The following CHRM3 variants were observed in gnomAD, a reference collection of about 807,000 sequenced individuals.
CHRM3 encodes the protein cholinergic receptor muscarinic 3, also known as muscarinic acetylcholine receptor M3.
A neutral mutation model predicts 41.8 loss-of-function variants in CHRM3; 11 were observed. That is an observed-to-expected ratio of 0.26 (90% CI 0.17 to 0.44). The LOEUF (loss-of-function observed/expected upper bound fraction) is 0.44. CHRM3 is among the 20% of genes least tolerant of loss of function. The probability of loss-of-function intolerance (pLI) is 1.00; values close to 1 mark genes in which losing one functional copy is unlikely to be tolerated. For synonymous variants in CHRM3, 297 were observed against 301.4 expected, an observed-to-expected ratio of 0.99 and a Z score of 0.15; for missense variants, 571 against 745.4, an observed-to-expected ratio of 0.77 and a Z score of 2.72.
chr1:239,881,282 C>CAAAAAAAAA (rs71567253), intron 6 of CHRM3, among the ~76,000 whole-genome samples: 33 of 33,986 alleles, frequency 9.7e-4, no homozygotes, highest in South Asian at 2.7e-3. Context: ...GACTCCGTCT[C>CAAAAAAAAA]AAAAAAAAAA....
chr1:239,754,721 A>G (rs546174549), intron 5 of CHRM3, among the ~76,000 whole-genome samples: 2 of 152,340 alleles, frequency 1.3e-5, no homozygotes, highest in East Asian at 3.9e-4. Flanking sequence ...GAACCCTACC[A>G]GAATCTGTGG....
intron 5 of CHRM3, among the ~76,000 whole-genome samples, chr1:239,747,545 A>C (rs535358816): frequency 6.6e-6 from 1 of 152,150 alleles, no homozygotes; most frequent in South Asian, 2.1e-4. Context: ...TTATTTCCCC[A>C]TTAAGCCTGT....
intron 5 of CHRM3, among the ~76,000 whole-genome samples, chr1:239,721,923 G>A (rs1274725311): frequency 6.6e-6 from 1 of 151,888 alleles, no homozygotes; most frequent in Non-Finnish European, 1.5e-5. Context: ...AGATTTGCAG[G>A]ACAGTGACTT....
Position 239,657,956 on chromosome 1 carries a change from T to C in CHRM3, c.-249-20230T>C, listed in dbSNP as rs368408989. On this transcript the variant is annotated intron_variant, in intron 4 of 6. Coordinates refer to ENST00000676153, the MANE Select transcript of CHRM3 (RefSeq NM_001375978.1). Reference sequence around the variant, plus strand: ...CTCTGACAGCTACATTGTTGTAGGATTTCTGAAAAAAAAAGTGAGAACAAT... The same window carrying C: ...CTCTGACAGCTACATTGTTGTAGGACTTCTGAAAAAAAAAGTGAGAACAAT... 1.3e-4 allele frequency among the ~76,000 whole-genome samples: 20 copies of C among 152,278 alleles called. 1 individual carries two copies. The East Asian group carries it at 3.1e-3, about 24-fold the overall frequency.
intron 5 of CHRM3, among the ~76,000 whole-genome samples, chr1:239,694,024 C>A (rs1416661073): frequency 6.6e-6 from 1 of 152,022 alleles, no homozygotes; most frequent in Non-Finnish European, 1.5e-5. Flanking sequence ...CTATTAGATA[C>A]TGTGTATTGG....
chr1:239,645,509 AAG>A (rs1410431674), intron 4 of CHRM3, among the ~76,000 whole-genome samples: 1 of 152,236 alleles, frequency 6.6e-6, no homozygotes, highest in Non-Finnish European at 1.5e-5. Flanking sequence ...TGTGGACTAA[AAG>A]AAAAGAAAAT....
chr1:239,847,576 A>G (rs1030553336), intron 6 of CHRM3, among the ~76,000 whole-genome samples: 2 of 152,152 alleles, frequency 1.3e-5, no homozygotes, highest in Non-Finnish European at 2.9e-5. Flanking sequence ...AAGGAAAAAT[A>G]ACCACCAGGT....
intron 1 of CHRM3, among the ~76,000 whole-genome samples, chr1:239,412,059 A>G (rs945898384): frequency 1.3e-5 from 2 of 151,588 alleles, no homozygotes; most frequent in Non-Finnish European, 2.9e-5. Context: ...AGATAATCAT[A>G]TAAAAATTTT....
intron 2 of CHRM3, among the ~76,000 whole-genome samples, chr1:239,542,441 A>C (rs1658870977): frequency 6.6e-6 from 1 of 152,174 alleles, no homozygotes; most frequent in Admixed American, 6.5e-5. Flanking sequence ...TACAGCTGTA[A>C]TAATTTTGGT....
At chr1:239,755,310 A>G (rs897924044) in intron 5 of CHRM3, among the ~76,000 whole-genome samples, 2 of 152,196 alleles carry the variant, frequency 1.3e-5, no homozygotes, top group African/African-American at 2.4e-5. Context: ...AGTTTCATTT[A>G]AATAACACAA....
At chr1:239,818,539 C>G (rs74149219) in intron 5 of CHRM3, among the ~76,000 whole-genome samples, 1 of 152,156 alleles carries the variant, frequency 6.6e-6, no homozygotes, top group African/African-American at 2.4e-5. Flanking sequence ...AGTCCATGGA[C>G]TAAGAGCACC....
chr1:239,857,574 G>A (rs991666543), intron 6 of CHRM3, among the ~76,000 whole-genome samples: 4 of 152,016 alleles, frequency 2.6e-5, no homozygotes, highest in Non-Finnish European at 5.9e-5. Flanking sequence ...AATTCCAAAC[G>A]AATCCCTGGA....
intron 3 of CHRM3, among the ~76,000 whole-genome samples, chr1:239,571,219 C>T (rs1661792583): frequency 6.6e-6 from 1 of 152,150 alleles, no homozygotes; most frequent in South Asian, 2.1e-4. Context: ...AGTGGACAAG[C>T]ATCACCTTCC....
chr1:239,771,673 G>C lies in CHRM3; in HGVS notation c.-146-55579G>C, dbSNP rs1352351784. Among the ~76,000 whole-genome samples, 4 of 152,272 alleles carry C rather than the reference G, an allele frequency of 2.6e-5. No individual in the cohort carries two copies. In the East Asian group the frequency reaches 7.8e-4, roughly 30 times the overall value. On this transcript the variant is annotated intron_variant, in intron 5 of 6. Transcript: ENST00000676153. Reference sequence around the variant, plus strand: ...ATAGTATTATAATATATCAAGCTTTGAGGGCCATGCAGCCTCTGTCATAAT... The same window carrying C: ...ATAGTATTATAATATATCAAGCTTTCAGGGCCATGCAGCCTCTGTCATAAT...
intron 1 of CHRM3, among the ~76,000 whole-genome samples, chr1:239,462,983 T>C (rs1467933377): frequency 6.6e-6 from 1 of 152,218 alleles, no homozygotes; most frequent in Non-Finnish European, 1.5e-5. Flanking sequence ...TAAGCCCTAA[T>C]TTCTAGAAAA....
chr1:239,554,097 C>T (rs2148457350), intron 3 of CHRM3, among the ~76,000 whole-genome samples: 1 of 152,230 alleles, frequency 6.6e-6, no homozygotes, highest in South Asian at 2.1e-4. Context: ...CCATGTTGGC[C>T]AGTCTGGTCT....
At chr1:239,512,258 C>G (rs940692516) in intron 2 of CHRM3, among the ~76,000 whole-genome samples, 3 of 152,122 alleles carry the variant, frequency 2.0e-5, no homozygotes, top group Non-Finnish European at 4.4e-5. Context: ...AGCTGCAGGT[C>G]GAGTTCAGGG....
At chr1:239,668,041 T>A (rs1008483256) in intron 4 of CHRM3, among the ~76,000 whole-genome samples, 12 of 151,948 alleles carry the variant, frequency 7.9e-5, no homozygotes, top group African/African-American at 2.9e-4. Flanking sequence ...CTCTTTTTTT[T>A]ATCACTTAAG....
intron 6 of CHRM3, among the ~76,000 whole-genome samples, chr1:239,877,887 T>A (rs1458212599): frequency 6.7e-6 from 1 of 149,402 alleles, no homozygotes; most frequent in Non-Finnish European, 1.5e-5. Context: ...ACTTTATTTC[T>A]TTCTTTTTTT....
Sources: allele counts gnomAD v4.1 joint callset (sites outside exome capture counted in the v4.1 genomes callset), GRCh38; gene constraint gnomAD v4.1.1; transcripts MANE v1.5; gene names NCBI Gene and HGNC (gene_info 2026-07-23, HGNC 2026-07-21).